Variants in DNAJC2 observed in about 807,000 individuals in gnomAD.
DNAJC2 encodes dnaJ homolog subfamily C member 2.
Under a neutral mutation model 94.0 loss-of-function variants are expected in DNAJC2, and 32 were observed. The ratio of observed to expected loss-of-function variants is 0.34; its 90% CI spans 0.26 to 0.46. The LOEUF is 0.46. DNAJC2 is among the 20% of genes least tolerant of loss of function. DNAJC2 has a pLI of 1.00. For synonymous variants in DNAJC2, 210 were observed against 229.7 expected, an observed-to-expected ratio of 0.91 and a Z score of 0.77; for missense variants, 550 against 719.5, an observed-to-expected ratio of 0.76 and a Z score of 2.69.
chr7:103,338,899 G>A (rs1819277819), intron 2 of DNAJC2, among the ~76,000 whole-genome samples: 1 of 152,106 alleles, frequency 6.6e-6, no homozygotes, highest in Non-Finnish European at 1.5e-5. Context: ...AACAGAGTGA[G>A]ACTCCGTCTC....
chr7:103,322,411 T>C (rs1389858606), intron 9 of DNAJC2, 100 bp downstream of exon 9: 4 of 1,208,154 alleles, frequency 3.3e-6, no homozygotes, highest in Non-Finnish European at 4.5e-6. Flanking sequence ...ATTCTCTGCT[T>C]TCGAATTATA....
chr7:103,315,991 G>A lies in DNAJC2; in HGVS notation c.1525C>T (p.Leu509Phe), dbSNP rs1309955899. 2 of 1,590,740 alleles carry A rather than the reference G, an allele frequency of 1.3e-6. No homozygotes were observed. The highest frequency in any genetic ancestry group is 1.7e-6 in the Non-Finnish European group (2 of 1,168,790). ...AAATGGACTTCTCAAAACTCACCAA[G>A]TTTTTGGAGACTCTTTGCTTTGCCA... Reference protein sequence around the residue: ...VIGKAKSLQKLDPHQKDDINK... With the variant: ...VIGKAKSLQKFDPHQKDDINK... The change falls in exon 14 of 17, where the codon CTT becomes TTT. Residue 509 changes from leucine (L) to phenylalanine (F), a missense_variant. Physicochemically the swap from Leu to Phe is conservative, Grantham distance 22. Coordinates refer to ENST00000379263, the MANE Select transcript of DNAJC2 (RefSeq NM_014377.3).
In DNAJC2 at chr7:103,317,014, T is replaced by G. The variant is rs1818100578; in HGVS notation, c.1243A>C (p.Ile415Leu). 6.2e-7 allele frequency: 1 copy of G among 1,612,186 alleles called. No individual in the cohort carries two copies. ...CTGATTTGCTCATTTATTTCTTCTA[T>G]CTGCACAAATATCATAAGTCAGGGA... is the stretch of plus-strand genomic sequence containing the variant. ...EVGKAALEKQ[I>L]EEINEQIRKE... Residue 415 changes from isoleucine (I) to leucine (L), a missense_variant and splice_region_variant, in exon 13 of 17, where the codon ATA (isoleucine) becomes CTA (leucine). By Grantham distance (5) the Ile-to-Leu change is conservative. Coordinates refer to ENST00000379263, the MANE Select transcript of DNAJC2 (RefSeq NM_014377.3).
chr7:103,326,463 GAGGGAA>G, intron 5 of DNAJC2, 74 bp downstream of exon 5: 2 of 1,372,442 alleles, frequency 1.5e-6, no homozygotes, highest in South Asian at 1.2e-5. Context: ...ACTATTATCA[GAGGGAA>G]AGAGCAGAAA....
At chr7:103,340,488 C>T (rs1458853829) in intron 2 of DNAJC2, among the ~76,000 whole-genome samples, 2 of 152,192 alleles carry the variant, frequency 1.3e-5, no homozygotes, top group Admixed American at 1.3e-4. Context: ...ATTTATCATG[C>T]AGCAAGTACT....
chr7:103,317,249 CAT>C (rs1818121656), intron 12 of DNAJC2: 2 of 463,164 alleles, frequency 4.3e-6, no homozygotes, highest in African/African-American at 4.0e-5. Flanking sequence ...TCCCAGTACT[CAT>C]GTCATGTGAC....
intron 12 of DNAJC2, 54 bp from the exon 13 acceptor site, chr7:103,317,068 C>T: frequency 6.8e-7 from 1 of 1,465,974 alleles, no homozygotes; most frequent in Non-Finnish European, 9.4e-7. Flanking sequence ...TGCTATTCTA[C>T]ACTCTCTTCC....
Position 103,317,062 on chromosome 7 carries a change from A to G in DNAJC2, c.1243-48T>C, listed in dbSNP as rs572541381. 2.1e-5 allele frequency: 32 copies of G among 1,495,386 alleles called. No individual in the cohort carries two copies. In the East Asian group the frequency reaches 6.1e-4, roughly 28 times the overall value. The allele number at this position is 1,495,386 out of a possible 1,614,324, so 92.6% of individuals were successfully genotyped here. A position where few individuals can be genotyped will look rare whatever the true frequency, so the allele number is the denominator to read the frequency against. ...GGACTTAGAAGTATACTGTATTGCT[A>G]TTCTACACTCTCTTCCTGGCTAGGG... On this transcript the variant is annotated intron_variant, in intron 12 of 16. Transcript: ENST00000379263.
chr7:103,327,285 A>C, intron 4 of DNAJC2: 2 of 452,514 alleles, frequency 4.4e-6, no homozygotes, highest in Non-Finnish European at 6.0e-6. Flanking sequence ...ATCTGAAACG[A>C]AAAAAAAAAA....
At chr7:103,318,996 G>T (rs944960013) in intron 12 of DNAJC2, among the ~76,000 whole-genome samples, 1 of 152,116 alleles carries the variant, frequency 6.6e-6, no homozygotes, top group African/African-American at 2.4e-5. Flanking sequence ...CGGATCACTT[G>T]AGGTAAGGAG....
chr7:103,319,915 A>C, intron 10 of DNAJC2, 71 bp from the exon 11 acceptor site: 1 of 1,534,464 alleles, frequency 6.5e-7, no homozygotes, highest in East Asian at 2.3e-5. Flanking sequence ...CAAAGCTGTA[A>C]TCCCAGCTAC....
At chr7:103,322,360 A>G in intron 9 of DNAJC2, 151 bp downstream of exon 9, 2 of 890,782 alleles carry the variant, frequency 2.2e-6, no homozygotes, top group Non-Finnish European at 3.3e-6. Context: ...AAGATCTCTC[A>G]ATTATACCAA....
intron 6 of DNAJC2, among the ~76,000 whole-genome samples, chr7:103,324,047 G>C (rs532020948): frequency 6.6e-6 from 1 of 152,110 alleles, no homozygotes; most frequent in East Asian, 1.9e-4. Flanking sequence ...ACTAAATCTT[G>C]TTATTTTTGT....
chr7:103,333,324 A>G (rs2116001321), intron 3 of DNAJC2, among the ~76,000 whole-genome samples: 1 of 152,326 alleles, frequency 6.6e-6, no homozygotes, highest in East Asian at 1.9e-4. Flanking sequence ...AAGGCAATGA[A>G]TTTACTTAAG....
chr7:103,318,756 T>C (rs545587911), intron 12 of DNAJC2, among the ~76,000 whole-genome samples: 2 of 152,260 alleles, frequency 1.3e-5, no homozygotes, highest in African/African-American at 4.8e-5. Context: ...TGGTTCTAAC[T>C]GTTATTACCC....
At chr7:103,335,584 T>C (rs1444644517) in intron 3 of DNAJC2, 1 of 151,798 alleles carries the variant, frequency 6.6e-6, no homozygotes, top group Non-Finnish European at 1.5e-5. Flanking sequence ...CTCACTCTGT[T>C]GCTCAGGTTG....
At chr7:103,324,317 T>C (rs912263509) in intron 6 of DNAJC2, among the ~76,000 whole-genome samples, 165 bp downstream of exon 6, 4 of 152,224 alleles carry the variant, frequency 2.6e-5, no homozygotes, top group African/African-American at 7.2e-5. Flanking sequence ...ATCTCATTAA[T>C]AGAAAATCTT....
At position 103,313,759 on chromosome 7, in the gene DNAJC2, T is replaced by A. The variant is rs1013442838; in HGVS notation, c.1637-658A>T. On this transcript the variant is annotated intron_variant, in intron 15 of 16. Transcript: ENST00000379263. ...TAAACCTTGTATATTTCAGAAAACATCTAAGATGTGTGTCAGAAACAAATA... is the reference window on the plus strand; with the variant it reads ...TAAACCTTGTATATTTCAGAAAACAACTAAGATGTGTGTCAGAAACAAATA... 6.1e-6 allele frequency: 6 copies of A among 985,222 alleles called. No homozygotes were observed. In the African/African-American group the frequency reaches 1.0e-4, roughly 17 times the overall value. 61.0% of individuals were successfully genotyped at this position (985,222 alleles called of 1,614,324 possible).
intron 13 of DNAJC2, 110 bp downstream of exon 13, chr7:103,316,720 G>T: frequency 1.1e-6 from 1 of 949,588 alleles, no homozygotes; most frequent in Admixed American, 2.5e-5. Context: ...CTGTGGCACA[G>T]AATTTATCTC....
Sources: allele counts gnomAD v4.1 joint callset (sites outside exome capture counted in the v4.1 genomes callset), GRCh38; gene constraint gnomAD v4.1.1; transcripts MANE v1.5; gene names NCBI Gene and HGNC (gene_info 2026-07-23, HGNC 2026-07-21).